The following INCENP variants were observed in gnomAD, a reference collection of about 807,000 sequenced individuals.
INCENP encodes the protein binds and activates aurora-B and -C in vivo and in vitro.
In INCENP, 43 loss-of-function variants were observed where a neutral mutation model predicts 107.3. That is an observed-to-expected ratio of 0.40 (90% CI 0.31 to 0.52). INCENP has a LOEUF of 0.52. Among genes scored for constraint, INCENP ranks in the 20% least tolerant of loss-of-function variants. The probability of loss-of-function intolerance (pLI) is 0.53; values close to 1 mark genes in which losing one functional copy is unlikely to be tolerated. For synonymous variants in INCENP, 488 were observed against 494.4 expected (o/e 0.99, Z 0.17); for missense variants, 1,089 against 1,250.9 (o/e 0.87, Z 1.95).
Position 62,148,500 on chromosome 11 carries a change from CCTGCGGCTGCAGAAGGAGCAG to C in INCENP, c.2234_2254del (p.Arg745_Leu751del). ...GGGAGCTGCAGGAGCGGGAGAAGGC[CCTGCGGCTGCAGAAGGAGCAG>C]CTGCAGAGGGAACTGGAGGAGAAGA... On this transcript the variant is annotated inframe_deletion, in exon 16 of 19. Coordinates refer to ENST00000394818, the MANE Select transcript of INCENP (RefSeq NM_001040694.2). 6.2e-7 allele frequency: 1 copy of C among 1,607,522 alleles called. No individual in the cohort carries two copies. The highest frequency in any genetic ancestry group is 1.1e-5 in the South Asian group (1 of 89,198).
At position 62,152,036 on chromosome 11, in the gene INCENP, T is replaced by C; in HGVS notation, c.*60T>C. 7.4e-7 allele frequency: 1 copy of C among 1,350,138 alleles called. No individual in the cohort carries two copies. Among genetic ancestry groups the C allele is most frequent in the Non-Finnish European group, 1.0e-6 (1 of 969,446 alleles). The allele number at this position is 1,350,138 out of a possible 1,614,324, so 83.6% of individuals were successfully genotyped here. Reference sequence around the variant, plus strand: ...CTGTCCATGTCTATCTGTCTGTCTGTCGGTCTCTGTCTTGGTCTGTTGCCC... The same window carrying C: ...CTGTCCATGTCTATCTGTCTGTCTGCCGGTCTCTGTCTTGGTCTGTTGCCC... On this transcript the variant is annotated 3_prime_UTR_variant, in exon 19 of 19. Coordinates refer to ENST00000394818, the MANE Select transcript of INCENP (RefSeq NM_001040694.2).
At chr11:62,138,468 G>C (rs1944038253) in intron 5 of INCENP, among the ~76,000 whole-genome samples, 1 of 152,238 alleles carries the variant, frequency 6.6e-6, no homozygotes, top group African/African-American at 2.4e-5. Flanking sequence ...TCCTGAGACA[G>C]CTCTGTGGTG....
chr11:62,130,306 C>T lies in INCENP; in HGVS notation c.779C>T (p.Ala260Val), dbSNP rs773981488. Residue 260 changes from alanine (A) to valine (V), a missense_variant, in exon 4 of 19, where the codon GCG becomes GTG. Coordinates refer to ENST00000394818, the MANE Select transcript of INCENP (RefSeq NM_001040694.2). Reference sequence around the variant, plus strand: ...CGGTCTGCGTCTAAGCTCAGGATTGCGCAGGTCTCCCCTGGCCCACGGGAC... The same window carrying T: ...CGGTCTGCGTCTAAGCTCAGGATTGTGCAGGTCTCCCCTGGCCCACGGGAC... ...TGRSASKLRI[A>V]QVSPGPRDSP... is the part of the protein sequence containing the mutation. 21 of 1,611,666 alleles carry T rather than the reference C, an allele frequency of 1.3e-5. No individual in the cohort carries two copies. The highest frequency in any genetic ancestry group is 1.6e-5 in the Non-Finnish European group (19 of 1,180,016).
intron 3 of INCENP, among the ~76,000 whole-genome samples, chr11:62,129,397 C>T (rs1189687797): frequency 6.6e-6 from 1 of 152,184 alleles, no homozygotes; most frequent in African/African-American, 2.4e-5. Context: ...CTCTCTGAGC[C>T]TCCGTTCCTC....
intron 15 of INCENP, among the ~76,000 whole-genome samples, chr11:62,147,589 C>T (rs2134677441): frequency 6.6e-6 from 1 of 152,304 alleles, no homozygotes; most frequent in East Asian, 1.9e-4. Context: ...AGCACAAGGC[C>T]CGTGTGTGTG....
intron 7 of INCENP, among the ~76,000 whole-genome samples, chr11:62,139,765 G>C (rs949579509): frequency 4.6e-5 from 7 of 152,214 alleles, no homozygotes; most frequent in Non-Finnish European, 1.0e-4. Context: ...GCTGTGCAAG[G>C]GGCTTGGAGC....
At position 62,130,589 on chromosome 11, in the gene INCENP, C is replaced by G; in HGVS notation, c.1062C>G (p.Ile354Met). ...AEEPAASGRI[I>M]CHSYLERLLN... ...AGCCAGCTGCCTCTGGCCGCATCATCTGTGAGTCTGGGGGCTTGGCAGTGG... is the reference window on the plus strand; with the variant it reads ...AGCCAGCTGCCTCTGGCCGCATCATGTGTGAGTCTGGGGGCTTGGCAGTGG... Residue 354 changes from isoleucine (I) to methionine (M), a missense_variant and splice_region_variant, in exon 4 of 19, where the codon ATC becomes ATG. Ile to Met is a conservative substitution (Grantham distance 10, BLOSUM62 1). Transcript: ENST00000394818. 6.2e-7 allele frequency: 1 copy of G among 1,608,924 alleles called. No homozygotes were observed. Among genetic ancestry groups the G allele is most frequent in the Non-Finnish European group, 8.5e-7 (1 of 1,177,204 alleles).
chr11:62,129,813 C>G lies in INCENP; in HGVS notation c.286C>G (p.Leu96Val), dbSNP rs756338232. ...LSRRKSRSSQ[L>V]SSRRLRSKDS... is the part of the protein sequence containing the mutation. ...CCGCAGAAAGTCTCGGAGCAGCCAG[C>G]TGAGCTCCCGACGCCTCCGCAGCAA... Residue 96 changes from leucine (L) to valine (V), a missense_variant, in exon 4 of 19, where the codon CTG (leucine) becomes GTG (valine). By Grantham distance (32) the Leu-to-Val change is conservative. Coordinates refer to ENST00000394818, the MANE Select transcript of INCENP (RefSeq NM_001040694.2). 8 of 1,609,692 alleles carry G rather than the reference C, an allele frequency of 5.0e-6. No homozygotes were observed. Among genetic ancestry groups the G allele is most frequent in the Admixed American group, 1.7e-5 (1 of 59,998 alleles).
rs367972890 is a variant in INCENP, at chr11:62,129,794, A to G, written c.267A>G (p.Arg89=). 3.1e-6 allele frequency: 5 copies of G among 1,605,146 alleles called. No individual in the cohort carries two copies. The highest frequency in any genetic ancestry group is 1.3e-5 in the African/African-American group (1 of 74,826). Reference sequence around the variant, plus strand: ...CTGCCCCTGCCAGGTTATCCCGCAGAAAGTCTCGGAGCAGCCAGCTGAGCT... The same window carrying G: ...CTGCCCCTGCCAGGTTATCCCGCAGGAAGTCTCGGAGCAGCCAGCTGAGCT... The part of the protein sequence containing the change: ...RDPIRRRLSR[R]KSRSSQLSSR... Residue 89 remains arginine, a synonymous_variant, in exon 4 of 19, where the codon AGA becomes AGG. Coordinates refer to ENST00000394818, the MANE Select transcript of INCENP (RefSeq NM_001040694.2).
At chr11:62,140,860 C>T in intron 9 of INCENP, 39 bp downstream of exon 9, 1 of 1,613,712 alleles carries the variant, frequency 6.2e-7, no homozygotes, top group Non-Finnish European at 8.5e-7. Flanking sequence ...GCCCTGACCC[C>T]CTTCAGTACC....
Position 62,135,255 on chromosome 11 carries a change from GT to G in INCENP, c.1064-2573del, listed in dbSNP as rs896082059. Reference sequence around the variant, plus strand: ...TCCACACGGGTCTACCTTGCACTTTGTTTTGTTTTTTTTTGTTTTGTTTTGT... The same window carrying G: ...TCCACACGGGTCTACCTTGCACTTTGTTTGTTTTTTTTTGTTTTGTTTTGT... On this transcript the variant is annotated intron_variant, in intron 4 of 18. Coordinates refer to ENST00000394818, the MANE Select transcript of INCENP (RefSeq NM_001040694.2). Among the ~76,000 whole-genome samples, 33 of 151,990 alleles carry G rather than the reference GT, an allele frequency of 2.2e-4. 1 individual carries two copies. The highest frequency in any genetic ancestry group is 1.8e-3 in the Admixed American group (28 of 15,254).
At chr11:62,124,761 G>A (rs895371031) in intron 1 of INCENP, among the ~76,000 whole-genome samples, 1 of 152,224 alleles carries the variant, frequency 6.6e-6, no homozygotes, top group Non-Finnish European at 1.5e-5. Flanking sequence ...TTTAAAGGCG[G>A]TATAGCCCGT....
chr11:62,148,978 ACTT>A, intron 17 of INCENP, 132 bp downstream of exon 17: 1 of 492,366 alleles, frequency 2.0e-6, no homozygotes, highest in South Asian at 4.1e-5. Flanking sequence ...AATTGTTTTT[ACTT>A]CTTTTTATAT....
chr11:62,148,687 G>T, intron 16 of INCENP, 52 bp from the exon 17 acceptor site: 1 of 1,466,686 alleles, frequency 6.8e-7, no homozygotes, highest in South Asian at 1.3e-5. Context: ...GGGGAGGGGA[G>T]GGAAGGGCAC....
chr11:62,149,530 A>G (rs1792888), intron 17 of INCENP, among the ~76,000 whole-genome samples: 119,915 of 152,050 alleles, frequency 0.79, 48,866 homozygotes, highest in Non-Finnish European at 0.9. Flanking sequence ...AGTGGTTCCC[A>G]GGAGGATTCT....
At chr11:62,147,386 A>G (rs1944274569) in intron 15 of INCENP, among the ~76,000 whole-genome samples, 1 of 152,068 alleles carries the variant, frequency 6.6e-6, no homozygotes. Context: ...GAGCCCTGGG[A>G]TTTTCCAGCT....
intron 4 of INCENP, among the ~76,000 whole-genome samples, chr11:62,132,365 CAG>C (rs1456147876): frequency 9.9e-5 from 15 of 152,200 alleles, no homozygotes; most frequent in Admixed American, 2.6e-4. Flanking sequence ...GCCTGTCAGG[CAG>C]GGGAGGGCAC....
In INCENP at chr11:62,142,879, G is replaced by A. The variant is rs78195532; in HGVS notation, c.1605+1368G>A. On this transcript the variant is annotated intron_variant, in intron 11 of 18. Coordinates refer to ENST00000394818, the MANE Select transcript of INCENP (RefSeq NM_001040694.2). ...ATCTGCAGCTTAGAGCTGAGCCTGG[G>A]CGTTCGTCAATAACCTGCAGCATCA... is the stretch of plus-strand genomic sequence containing the variant. Among the ~76,000 whole-genome samples, 102 of 152,330 alleles carry A rather than the reference G, an allele frequency of 6.7e-4. No homozygotes were observed. In the East Asian group the frequency reaches 0.018, roughly 27 times the overall value.
At position 62,152,166 on chromosome 11, in the gene INCENP, A is replaced by G. The variant is rs1944390157; in HGVS notation, c.*190A>G. ...GGCAGGTGGCCCCAGGCCTGTTTGG[A>G]GGATGGGCTGGGTGGGTGGGTGGGG... On this transcript the variant is annotated 3_prime_UTR_variant, in exon 19 of 19. Coordinates refer to ENST00000394818, the MANE Select transcript of INCENP (RefSeq NM_001040694.2). 1 of 1,886 alleles carries G rather than the reference A, an allele frequency of 5.3e-4. No homozygotes were observed. 0.1% of individuals were successfully genotyped at this position (1,886 alleles called of 1,614,324 possible).
Sources: allele counts gnomAD v4.1 joint callset (sites outside exome capture counted in the v4.1 genomes callset), GRCh38; gene constraint gnomAD v4.1.1; transcripts MANE v1.5; gene names NCBI Gene and HGNC (gene_info 2026-07-23, HGNC 2026-07-21).